The following CEP128 variants were observed in gnomAD, a reference collection of about 807,000 sequenced individuals.
CEP128 encodes centrosomal protein 128.
In CEP128, 132 loss-of-function variants were observed where a neutral mutation model predicts 156.7. The ratio of observed to expected loss-of-function variants is 0.84; its 90% CI spans 0.73 to 0.97. The LOEUF (loss-of-function observed/expected upper bound fraction) is 0.97. Among genes scored for constraint, CEP128 ranks in the 50% least tolerant of loss-of-function variants. The probability of loss-of-function intolerance (pLI) is 0.00; values close to 1 mark genes in which losing one functional copy is unlikely to be tolerated. For synonymous variants in CEP128, 469 were observed against 448.9 expected (o/e 1.04, Z -0.57); for missense variants, 1,252 against 1,281.9 (o/e 0.98, Z 0.36).
chr14:80,793,166 T>A, intron 13 of CEP128, 56 bp from the exon 14 acceptor site: 1 of 1,323,168 alleles, frequency 7.6e-7, no homozygotes. Context: ...ATTGGATGTG[T>A]AGCATATCAT....
At chr14:80,542,156 T>G (rs143674315) in intron 21 of CEP128, among the ~76,000 whole-genome samples, 1 of 152,258 alleles carries the variant, frequency 6.6e-6, no homozygotes, top group Admixed American at 6.5e-5. Flanking sequence ...TATGTGTATA[T>G]GTACCTCCCA....
intron 9 of CEP128, among the ~76,000 whole-genome samples, chr14:80,859,719 C>T (rs915164321): frequency 6.6e-6 from 1 of 151,906 alleles, no homozygotes; most frequent in African/African-American, 2.4e-5. Flanking sequence ...TCTTTAAAAC[C>T]CCTACAGAAA....
At chr14:80,505,366 T>G (rs981880230) in intron 23 of CEP128, among the ~76,000 whole-genome samples, 1 of 152,230 alleles carries the variant, frequency 6.6e-6, no homozygotes, top group South Asian at 2.1e-4. Flanking sequence ...TCTTATACTA[T>G]CTAGTGGATA....
intron 18 of CEP128, among the ~76,000 whole-genome samples, chr14:80,745,341 A>T (rs1433034032): frequency 6.6e-6 from 1 of 151,888 alleles, no homozygotes; most frequent in African/African-American, 2.4e-5. Context: ...TGTCAATTAA[A>T]CCTCTTTTCT....
At chr14:80,892,918 T>C (rs1245133605) in intron 8 of CEP128, among the ~76,000 whole-genome samples, 4 of 151,774 alleles carry the variant, frequency 2.6e-5, no homozygotes, top group Admixed American at 1.3e-4. Context: ...GACAAGAGTA[T>C]ACAGAAAGAG....
chr14:80,825,464 C>T (rs973673325), intron 13 of CEP128, among the ~76,000 whole-genome samples: 4 of 152,000 alleles, frequency 2.6e-5, no homozygotes, highest in African/African-American at 4.8e-5. Context: ...TTTCAGAAAA[C>T]GAAGAAACTT....
chr14:80,684,073 G>GA (rs1184350285), intron 19 of CEP128, among the ~76,000 whole-genome samples: 2 of 151,976 alleles, frequency 1.3e-5, no homozygotes, highest in African/African-American at 4.8e-5. Flanking sequence ...AGCCAGCAGA[G>GA]AAAAAGAAAT....
chr14:80,570,852 A>G (rs953204284), intron 20 of CEP128, among the ~76,000 whole-genome samples: 20 of 152,210 alleles, frequency 1.3e-4, no homozygotes, highest in Non-Finnish European at 2.4e-4. Context: ...ACAGACTTCC[A>G]GAACCTCATT....
At chr14:80,566,092 A>G (rs1160204220) in intron 20 of CEP128, among the ~76,000 whole-genome samples, 1 of 152,144 alleles carries the variant, frequency 6.6e-6, no homozygotes, top group African/African-American at 2.4e-5. Context: ...AAAAAGAAAA[A>G]CCCACATTGA....
intron 14 of CEP128, among the ~76,000 whole-genome samples, chr14:80,479,163 C>T (rs1267386301): frequency 2.6e-5 from 4 of 152,136 alleles, no homozygotes; most frequent in Non-Finnish European, 4.4e-5. Context: ...TACCCCAAAT[C>T]GCACAATTAG....
intron 20 of CEP128, 87 bp from the exon 21 acceptor site, chr14:80,559,389 C>A: frequency 2.0e-6 from 2 of 1,014,092 alleles, no homozygotes; most frequent in Non-Finnish European, 2.9e-6. Flanking sequence ...ATTCTATTTA[C>A]CATCTATTAT....
chr14:80,812,044 TCTA>T (rs1884585961), intron 13 of CEP128, among the ~76,000 whole-genome samples: 1 of 152,202 alleles, frequency 6.6e-6, no homozygotes, highest in Non-Finnish European at 1.5e-5. Flanking sequence ...CAGTCCTCAC[TCTA>T]CTATCACCCT....
At chr14:80,763,391 TAGG>T (rs990139887) in intron 16 of CEP128, among the ~76,000 whole-genome samples, 1 of 152,172 alleles carries the variant, frequency 6.6e-6, no homozygotes, top group African/African-American at 2.4e-5. Context: ...TGCTCATATC[TAGG>T]AGTTTTCTGA....
intron 19 of CEP128, among the ~76,000 whole-genome samples, chr14:80,661,542 C>T (rs570537033): frequency 5.3e-5 from 8 of 152,044 alleles, no homozygotes; most frequent in African/African-American, 1.4e-4. Context: ...TTGTTTTCAA[C>T]GAGAATATTT....
At chr14:80,883,814 C>T (rs538579861) in intron 8 of CEP128, among the ~76,000 whole-genome samples, 1 of 152,266 alleles carries the variant, frequency 6.6e-6, no homozygotes, top group Non-Finnish European at 1.5e-5. Context: ...AACCACATCA[C>T]CTGACTTCAA....
intron 9 of CEP128, among the ~76,000 whole-genome samples, chr14:80,857,217 T>G (rs1388557219): frequency 3.1e-5 from 1 of 32,550 alleles, no homozygotes; most frequent in African/African-American, 7.0e-5. Context: ...GGTTTTGGCT[T>G]TTTTTTTTTT....
chr14:80,732,243 A>C (rs1898306568), intron 19 of CEP128, among the ~76,000 whole-genome samples: 1 of 152,206 alleles, frequency 6.6e-6, no homozygotes, highest in Non-Finnish European at 1.5e-5. Flanking sequence ...CCTACCTGAA[A>C]GTTTTAACTG....
chr14:80,614,028 C>A (rs1262092495), intron 19 of CEP128, among the ~76,000 whole-genome samples: 1 of 151,990 alleles, frequency 6.6e-6, no homozygotes, highest in Non-Finnish European at 1.5e-5. Context: ...ATAAAATTAT[C>A]TTTTTCTTAT....
chr14:80,754,672 T>C (rs1264160006), intron 18 of CEP128, among the ~76,000 whole-genome samples: 1 of 151,920 alleles, frequency 6.6e-6, no homozygotes, highest in African/African-American at 2.4e-5. Flanking sequence ...CCGTGTTAGC[T>C]AGGATGGTCT....
Sources: allele counts gnomAD v4.1 joint callset (sites outside exome capture counted in the v4.1 genomes callset), GRCh38; gene constraint gnomAD v4.1.1; transcripts MANE v1.5; gene names NCBI Gene and HGNC (gene_info 2026-07-23, HGNC 2026-07-21).